The following WNT3A variants were observed in gnomAD, a reference collection of about 807,000 sequenced individuals.
The protein encoded by WNT3A is protein Wnt-3a.
Under a neutral mutation model 37.0 loss-of-function variants are expected in WNT3A, and 17 were observed. That is an observed-to-expected ratio of 0.46 (90% confidence interval 0.31 to 0.69). WNT3A has a LOEUF of 0.69. Ranked by LOEUF, WNT3A falls within the 30% of genes least tolerant of loss-of-function variation. The pLI, the probability that WNT3A is intolerant of heterozygous loss-of-function variation, is 0.05. For missense variants in WNT3A, 411 were observed against 510.2 expected (o/e 0.81, Z 1.87); for synonymous variants, 187 against 211.0 (o/e 0.89, Z 0.99).
chr1:228,060,281 C>A lies in WNT3A; in HGVS notation c.*816C>A. On this transcript the variant is annotated 3_prime_UTR_variant, in exon 4 of 4. Transcript: ENST00000284523. ...CCCTGTAAGGTTCCATCCACCCCTG[C>A]GTCGAGCTGGGAAGGTTCCATGAAG... 7.4e-7 allele frequency: 1 copy of A among 1,351,578 alleles called. No homozygotes were observed. Among genetic ancestry groups the A allele is most frequent in the Non-Finnish European group, 9.8e-7 (1 of 1,021,410 alleles). 83.7% of individuals were successfully genotyped at this position (1,351,578 alleles called of 1,614,324 possible). A position where few individuals can be genotyped will look rare whatever the true frequency, so the allele number is the denominator to read the frequency against.
chr1:228,030,133 G>A (rs1325766935), intron 2 of WNT3A, among the ~76,000 whole-genome samples: 3 of 151,750 alleles, frequency 2.0e-5, no homozygotes, highest in Non-Finnish European at 4.4e-5. Context: ...GGTGGCTCAC[G>A]CCTGAAATCC....
chr1:228,016,401 G>A (rs1296799289), intron 1 of WNT3A, among the ~76,000 whole-genome samples: 1 of 152,142 alleles, frequency 6.6e-6, no homozygotes. Context: ...GCCCAGTTCA[G>A]TTGGGGAAAC....
chr1:228,048,735 A>G (rs2031480249), intron 2 of WNT3A, among the ~76,000 whole-genome samples: 1 of 151,842 alleles, frequency 6.6e-6, no homozygotes, highest in South Asian at 2.1e-4. Context: ...TCTTTTATCA[A>G]TGGAAGCAGG....
intron 1 of WNT3A, among the ~76,000 whole-genome samples, chr1:228,019,047 C>T (rs965851824): frequency 5.3e-5 from 8 of 152,226 alleles, no homozygotes; most frequent in African/African-American, 1.9e-4. Context: ...CCACCTCTGG[C>T]CTGGCAGCTG....
chr1:228,027,383 A>G (rs1171536437), intron 2 of WNT3A, among the ~76,000 whole-genome samples: 2 of 152,216 alleles, frequency 1.3e-5, no homozygotes, highest in East Asian at 3.8e-4. Flanking sequence ...ACTAATTGAC[A>G]TTCCTACCAG....
At chr1:228,019,598 A>G (rs1350100658) in intron 1 of WNT3A, among the ~76,000 whole-genome samples, 1 of 152,188 alleles carries the variant, frequency 6.6e-6, no homozygotes, top group Admixed American at 6.5e-5. Context: ...TTTGTCCTCT[A>G]CAACATTCCA....
intron 1 of WNT3A, 47 bp from the exon 2 acceptor site, chr1:228,022,620 G>A: frequency 6.3e-7 from 1 of 1,579,804 alleles, no homozygotes; most frequent in South Asian, 1.2e-5. Context: ...GCTCATCTGT[G>A]TCGCTGTCCC....
Position 228,059,870 on chromosome 1 carries a change from G to A in WNT3A, c.*405G>A, listed in dbSNP as rs548966168. ...TCTGGGTGGGCGGGGCACTAGGTAG[G>A]CTTCTACCTGCAGGCGGGGCTCCTC... is the stretch of plus-strand genomic sequence containing the variant. On this transcript the variant is annotated 3_prime_UTR_variant, in exon 4 of 4. Coordinates refer to ENST00000284523, the MANE Select transcript of WNT3A (RefSeq NM_033131.4). 296 of 1,058,478 alleles carry A rather than the reference G, an allele frequency of 2.8e-4. 2 individuals carry two copies. In the African/African-American group the frequency reaches 3.9e-3, roughly 14 times the overall value. The allele number at this position is 1,058,478 out of a possible 1,614,324, so 65.6% of individuals were successfully genotyped here.
At chr1:228,025,197 C>CA (rs528508032) in intron 2 of WNT3A, among the ~76,000 whole-genome samples, 69 of 150,108 alleles carry the variant, frequency 4.6e-4, no homozygotes, top group Admixed American at 1.1e-3. Flanking sequence ...TCCATTTGTG[C>CA]AAAAAAAAAT....
In WNT3A at chr1:228,037,527, T is replaced by G. The variant is rs1414053830; in HGVS notation, c.314-13129T>G. ...GCCACCTCCCTGTGTGTCCCCTGCC[T>G]ATGAGGGCCGGCACAGGGGTGGGGC... On this transcript the variant is annotated intron_variant, in intron 2 of 3. Coordinates refer to ENST00000284523, the MANE Select transcript of WNT3A (RefSeq NM_033131.4). This position sits in a 1 kb window ranked among gnomAD's most constrained non-coding sequence, Gnocchi z 4.1. Among the ~76,000 whole-genome samples, 1 of 152,038 alleles carries G rather than the reference T, an allele frequency of 6.6e-6. No homozygotes were observed. The highest frequency in any genetic ancestry group is 1.5e-5 in the Non-Finnish European group (1 of 67,996).
chr1:228,056,581 A>G (rs762010162), intron 3 of WNT3A, among the ~76,000 whole-genome samples: 2 of 152,232 alleles, frequency 1.3e-5, no homozygotes, highest in African/African-American at 2.4e-5. Flanking sequence ...GGATCTGTCC[A>G]AGAAAGACAA....
intron 2 of WNT3A, among the ~76,000 whole-genome samples, chr1:228,035,967 T>G (rs947051097): frequency 6.6e-6 from 1 of 152,162 alleles, no homozygotes; most frequent in Non-Finnish European, 1.5e-5. Flanking sequence ...TCCCGGCTCC[T>G]CCCTCCTGCC....
chr1:228,030,346 A>G (rs1336829731), intron 2 of WNT3A, among the ~76,000 whole-genome samples: 1 of 151,372 alleles, frequency 6.6e-6, no homozygotes, highest in Non-Finnish European at 1.5e-5. Context: ...TAGTGAGCCG[A>G]GATCGCTTCA....
rs539059717 is a variant in WNT3A, at chr1:228,060,385, G to A, written c.*920G>A. The stretch of plus-strand genomic sequence containing the variant: ...CCTGGCTTTGGAATGCTCCAGGCGC[G>A]CCGACGCCTGTGCCACCCCTTCCTC... On this transcript the variant is annotated 3_prime_UTR_variant, in exon 4 of 4. Coordinates refer to ENST00000284523, the MANE Select transcript of WNT3A (RefSeq NM_033131.4). The A allele has an allele frequency of 4.1e-3, 4,484 of 1,081,638 alleles. 14 individuals are homozygous for A. The highest frequency in any genetic ancestry group is 5.1e-3 in the Non-Finnish European group (4,070 of 793,748). The allele number at this position is 1,081,638 out of a possible 1,614,324, so 67.0% of individuals were successfully genotyped here. A position where few individuals can be genotyped will look rare whatever the true frequency, so the allele number is the denominator to read the frequency against.
intron 1 of WNT3A, among the ~76,000 whole-genome samples, chr1:228,013,643 G>T (rs1026606668): frequency 3.3e-5 from 5 of 152,156 alleles, no homozygotes; most frequent in Admixed American, 1.3e-4. Context: ...CTTAAGTCCT[G>T]GGGACCCTGG....
intron 3 of WNT3A, among the ~76,000 whole-genome samples, chr1:228,051,877 A>G (rs2031561373): frequency 6.6e-6 from 1 of 152,134 alleles, no homozygotes; most frequent in African/African-American, 2.4e-5. Context: ...AGGAAGACAG[A>G]GTGGGGGAGA....
chr1:228,026,967 C>T (rs1447321322), intron 2 of WNT3A, among the ~76,000 whole-genome samples: 3 of 152,184 alleles, frequency 2.0e-5, no homozygotes, highest in Admixed American at 6.5e-5. Flanking sequence ...CTCAGCCTCC[C>T]GAGTAGCTGG....
At chr1:228,046,679 G>A (rs2031419269) in intron 2 of WNT3A, among the ~76,000 whole-genome samples, 1 of 151,496 alleles carries the variant, frequency 6.6e-6, no homozygotes, top group African/African-American at 2.4e-5. Context: ...GTGCATGTAT[G>A]TGAGTGCATG....
In WNT3A at chr1:228,007,307, C is replaced by G; in HGVS notation, c.71+108C>G. 1 of 1,134,190 alleles carries G rather than the reference C, an allele frequency of 8.8e-7. No homozygotes were observed. Among genetic ancestry groups the G allele is most frequent in the Non-Finnish European group, 1.2e-6 (1 of 835,934 alleles). The allele number at this position is 1,134,190 out of a possible 1,614,324, so 70.3% of individuals were successfully genotyped here. On this transcript the variant is annotated intron_variant, in intron 1 of 3. Coordinates refer to ENST00000284523, the MANE Select transcript of WNT3A (RefSeq NM_033131.4). This position sits in a 1 kb window ranked among gnomAD's most constrained non-coding sequence, Gnocchi z 6.0. ...TGGCCCGAGCCCGCGCCCTTCTGCT[C>G]CAGCCCCGCGTGCGGGCCGCGGGCG...
Sources: gnomAD v4.1 joint callset for allele counts (sites outside exome capture counted in the v4.1 genomes callset) on GRCh38, gnomAD v4.1.1 for gene constraint, Gnocchi (gnomAD v3.1) non-coding constraint, MANE v1.5 for transcripts, NCBI Gene and HGNC (gene_info 2026-07-23, HGNC 2026-07-21) for gene names.